Variants in LRP1B observed in about 807,000 individuals in gnomAD.
The protein encoded by LRP1B is LDL receptor related protein 1B, also known as low-density lipoprotein receptor-related protein 1B.
A neutral mutation model predicts 556.6 loss-of-function variants in LRP1B; 217 were observed. The observed-to-expected ratio is 0.39, with a 90% CI of 0.35 to 0.44. The LOEUF is 0.44. Ranked by LOEUF, LRP1B falls within the 20% of genes least tolerant of loss-of-function variation. The pLI is 1.00. For synonymous variants in LRP1B, 2,047 were observed against 1,865.8 expected (o/e 1.10, Z -2.50); for missense variants, 5,053 against 5,620.8 (o/e 0.90, Z 3.23).
intron 2 of LRP1B, among the ~76,000 whole-genome samples, chr2:141,548,983 T>C (rs908151674): frequency 3.3e-5 from 5 of 152,144 alleles, no homozygotes; most frequent in Non-Finnish European, 7.4e-5. Context: ...TGGAAAGATA[T>C]ACAGTTATCT....
At chr2:140,655,158 G>T (rs1347608084) in intron 41 of LRP1B, among the ~76,000 whole-genome samples, 2 of 151,872 alleles carry the variant, frequency 1.3e-5, no homozygotes, top group Non-Finnish European at 2.9e-5. Context: ...ACATGCTCAA[G>T]AAATTTTTAA....
intron 2 of LRP1B, among the ~76,000 whole-genome samples, chr2:141,516,886 G>A (rs1475136476): frequency 1.3e-5 from 2 of 150,150 alleles, no homozygotes; most frequent in Non-Finnish European, 3.0e-5. Flanking sequence ...TTGGAGAGAT[G>A]GAGTTTCAGC....
chr2:141,517,214 T>A (rs1684352544), intron 2 of LRP1B, among the ~76,000 whole-genome samples: 1 of 131,874 alleles, frequency 7.6e-6, no homozygotes, highest in Non-Finnish European at 1.6e-5. Flanking sequence ...GATGTTCTTT[T>A]CTTTTTGTGG....
chr2:140,348,457 T>C (rs1317275175), intron 77 of LRP1B, among the ~76,000 whole-genome samples: 2 of 152,086 alleles, frequency 1.3e-5, no homozygotes, highest in African/African-American at 4.8e-5. Flanking sequence ...TAGTTAGTTA[T>C]GATGGACTCC....
At position 141,257,476 on chromosome 2, in the gene LRP1B, G is replaced by A. The variant is rs142288642; in HGVS notation, c.344-2835C>T. 4.3e-3 allele frequency among the ~76,000 whole-genome samples: 648 copies of A among 152,230 alleles called. 2 individuals are homozygous for A. The highest frequency in any genetic ancestry group is 0.014 in the African/African-American group (585 of 41,540). The stretch of plus-strand genomic sequence containing the variant: ...CATCTTTCTACTCTCTCTACTTGAC[G>A]TTTCTGGAAGATGGAGAGTGAACAC... On this transcript the variant is annotated intron_variant, in intron 3 of 90. Transcript: ENST00000389484.
At chr2:141,788,785 G>A (rs1023780591) in intron 2 of LRP1B, among the ~76,000 whole-genome samples, 13 of 150,702 alleles carry the variant, frequency 8.6e-5, no homozygotes, top group East Asian at 2.0e-4. Context: ...GAGAACATGC[G>A]GTGTTTGTTT....
chr2:141,815,420 T>C (rs991445831), intron 1 of LRP1B, among the ~76,000 whole-genome samples: 1 of 152,096 alleles, frequency 6.6e-6, no homozygotes, highest in Non-Finnish European at 1.5e-5. Context: ...CAGCACTCTG[T>C]AGCTAGGATT....
At chr2:140,612,191 G>T (rs1008368552) in intron 41 of LRP1B, among the ~76,000 whole-genome samples, 1 of 152,012 alleles carries the variant, frequency 6.6e-6, no homozygotes, top group African/African-American at 2.4e-5. Flanking sequence ...TTAATCAAGT[G>T]AAATATTAGG....
intron 3 of LRP1B, among the ~76,000 whole-genome samples, chr2:141,301,214 C>G (rs971724852): frequency 1.3e-5 from 2 of 152,118 alleles, no homozygotes; most frequent in African/African-American, 4.8e-5. Context: ...CCCAGAAATT[C>G]TAACATTACT....
intron 18 of LRP1B, among the ~76,000 whole-genome samples, chr2:140,981,774 A>T (rs980832404): frequency 2.0e-5 from 3 of 152,146 alleles, no homozygotes; most frequent in Non-Finnish European, 4.4e-5. Flanking sequence ...ACATGCCAAT[A>T]AGAAACATGT....
At chr2:140,840,208 A>G (rs1213827848) in intron 30 of LRP1B, 123 bp from the exon 31 acceptor site, 1 of 592,024 alleles carries the variant, frequency 1.7e-6, no homozygotes, top group Non-Finnish European at 2.8e-6. Flanking sequence ...AATTCTTTTC[A>G]GAAAACTCCA....
At chr2:141,047,845 T>C (rs1360010468) in intron 11 of LRP1B, among the ~76,000 whole-genome samples, 2 of 152,088 alleles carry the variant, frequency 1.3e-5, no homozygotes, top group Non-Finnish European at 2.9e-5. Flanking sequence ...CTCCTCTCCC[T>C]CTTTAATGTT....
At chr2:140,932,869 C>T (rs115141053) in intron 20 of LRP1B, among the ~76,000 whole-genome samples, 3,461 of 116,972 alleles carry the variant, frequency 0.03, 151 homozygotes, top group African/African-American at 0.097. Flanking sequence ...GAGTGAGACA[C>T]TCTCTCTCTC....
intron 1 of LRP1B, among the ~76,000 whole-genome samples, chr2:141,991,387 A>G (rs1157762974): frequency 6.6e-6 from 1 of 152,034 alleles, no homozygotes; most frequent in Non-Finnish European, 1.5e-5. Context: ...AATTATCAAT[A>G]ATTGGCAAAA....
intron 87 of LRP1B, among the ~76,000 whole-genome samples, chr2:140,244,465 C>G (rs1166107198): frequency 1.3e-5 from 2 of 151,168 alleles, no homozygotes; most frequent in Non-Finnish European, 3.0e-5. Flanking sequence ...TCATTCAATG[C>G]TCAATTTTAT....
chr2:141,303,997 A>C (rs1686491820), intron 3 of LRP1B, among the ~76,000 whole-genome samples: 1 of 152,106 alleles, frequency 6.6e-6, no homozygotes, highest in South Asian at 2.1e-4. Context: ...TTTGATTTGC[A>C]TTTCCCTGAT....
chr2:141,386,033 AT>A (rs1396185790), intron 3 of LRP1B, among the ~76,000 whole-genome samples: 1 of 152,174 alleles, frequency 6.6e-6, no homozygotes, highest in African/African-American at 2.4e-5. Context: ...ACAACCACAG[AT>A]TATCTACATG....
chr2:141,731,826 A>C (rs1345828580), intron 2 of LRP1B, among the ~76,000 whole-genome samples: 4 of 152,042 alleles, frequency 2.6e-5, no homozygotes, highest in African/African-American at 7.2e-5. Flanking sequence ...ACACATAAAG[A>C]TCTTAAGTTG....
At chr2:140,301,332 T>G (rs1683811443) in intron 83 of LRP1B, among the ~76,000 whole-genome samples, 1 of 152,136 alleles carries the variant, frequency 6.6e-6, no homozygotes, top group Non-Finnish European at 1.5e-5. Context: ...ACTCTCTTTC[T>G]TCCCCCTTTA....
Sources: allele counts gnomAD v4.1 joint callset (sites outside exome capture counted in the v4.1 genomes callset), GRCh38; gene constraint gnomAD v4.1.1; transcripts MANE v1.5; gene names NCBI Gene and HGNC (gene_info 2026-07-23, HGNC 2026-07-21).